The following NPHP3 variants were observed in gnomAD, a reference collection of about 807,000 sequenced individuals.
NPHP3 encodes the protein nephrocystin 3.
Under a neutral mutation model 171.9 loss-of-function variants are expected in NPHP3, and 123 were observed. The observed-to-expected ratio is 0.72, with a 90% confidence interval of 0.62 to 0.83. The LOEUF is 0.83. Among genes scored for constraint, NPHP3 ranks in the 40% least tolerant of loss-of-function variants. The pLI is 0.00. For missense variants in NPHP3, 1,506 were observed against 1,591.9 expected (o/e 0.95, Z 0.92); for synonymous variants, 558 against 579.2 (o/e 0.96, Z 0.52).
At chr3:132,707,332 C>T (rs1013406248) in intron 7 of NPHP3, among the ~76,000 whole-genome samples, 5 of 152,084 alleles carry the variant, frequency 3.3e-5, no homozygotes, top group Non-Finnish European at 5.9e-5. Context: ...GGCATGGTGG[C>T]CTGTGCCTGT....
At chr3:132,701,780 T>A (rs564796435) in intron 9 of NPHP3, among the ~76,000 whole-genome samples, 1 of 152,154 alleles carries the variant, frequency 6.6e-6, no homozygotes, top group African/African-American at 2.4e-5. Flanking sequence ...CCCAGCACTT[T>A]GGGAGGCTGA....
At chr3:132,686,008 CACTG>C in intron 23 of NPHP3, 2 of 393,678 alleles carry the variant, frequency 5.1e-6, no homozygotes, top group East Asian at 1.2e-4. Flanking sequence ...GAGATCACAC[CACTG>C]CACTCCAGCC....
intron 21 of NPHP3, among the ~76,000 whole-genome samples, chr3:132,687,552 A>C (rs1193556870): frequency 1.3e-5 from 2 of 152,198 alleles, no homozygotes; most frequent in Non-Finnish European, 2.9e-5. Flanking sequence ...AACTCATCCT[A>C]AGTCTCTGAA....
rs959757847 is a variant in NPHP3, at chr3:132,717,752, CTT to C, written c.671-845_671-844del. On this transcript the variant is annotated intron_variant, in intron 3 of 26. Transcript: ENST00000337331. ...TCAGCTACTCTTGGCCATTAAGAAT[CTT>C]TTTTTTTTTTTTTTTTTTTTTTTGA... Among the ~76,000 whole-genome samples, 62 of 81,252 alleles carry C rather than the reference CTT, an allele frequency of 7.6e-4. No individual in the cohort carries two copies. The East Asian group carries it at 0.019, about 24-fold the overall frequency. 53.3% of individuals were successfully genotyped at this position (81,252 alleles called of 152,430 possible).
rs1939606303 is a variant in NPHP3, at chr3:132,701,545, A to C, written c.1525-12T>G. ...AGGCGTTGGTAATACTAGAAAAAAA[A>C]ATGAATTTACATTGTAAGGAAGCAC... On this transcript the variant is annotated splice_polypyrimidine_tract_variant and intron_variant, in intron 9 of 26. Coordinates refer to ENST00000337331, the MANE Select transcript of NPHP3 (RefSeq NM_153240.5). 8.9e-6 allele frequency: 14 copies of C among 1,570,510 alleles called. No individual in the cohort carries two copies. The highest frequency in any genetic ancestry group is 1.2e-5 in the Non-Finnish European group (14 of 1,140,506).
intron 4 of NPHP3, among the ~76,000 whole-genome samples, chr3:132,715,826 A>G (rs1306359359): frequency 5.9e-5 from 9 of 152,244 alleles, no homozygotes. Flanking sequence ...ACTATGTTAT[A>G]TAAAAATAAG....
At chr3:132,687,011 TAAG>T (rs1415526884) in intron 22 of NPHP3, 137 bp downstream of exon 22, 1 of 577,088 alleles carries the variant, frequency 1.7e-6, no homozygotes, top group African/African-American at 1.9e-5. Context: ...AACACATAAA[TAAG>T]AAAATGTTAA....
At chr3:132,700,872 A>C (rs1576673045) in intron 10 of NPHP3, among the ~76,000 whole-genome samples, 1 of 152,194 alleles carries the variant, frequency 6.6e-6, no homozygotes, top group African/African-American at 2.4e-5. Flanking sequence ...TTATGAAAGA[A>C]AGAAAATATT....
At position 132,722,003 on chromosome 3, in the gene NPHP3, T is replaced by C. The variant is rs1441071135; in HGVS notation, c.353A>G (p.Lys118Arg). 1 of 1,613,218 alleles carries C rather than the reference T, an allele frequency of 6.2e-7. No individual in the cohort carries two copies. Among genetic ancestry groups the C allele is most frequent in the Non-Finnish European group, 8.5e-7 (1 of 1,179,896 alleles). Residue 118 changes from lysine to arginine, a missense_variant, in exon 1 of 27, where the codon AAG (lysine) becomes AGG (arginine). Physicochemically the swap from Lys to Arg is conservative, Grantham distance 26 (BLOSUM62 2). Around this residue, in one of 3 missense-constraint regions of NPHP3, gnomAD observed 930 missense variants for 924.9 expected, o/e 1.01. Transcript: ENST00000337331. ...CAGCCGCTTGTTCTCCGTGTCCAGCTTGGCCTCGCGGCGGCCCATGGACAA... is the reference window on the plus strand; with the variant it reads ...CAGCCGCTTGTTCTCCGTGTCCAGCCTGGCCTCGCGGCGGCCCATGGACAA... ...ELLSMGRREA[K>R]LDTENKRLRA... is the part of the protein sequence containing the mutation.
chr3:132,711,700 C>T (rs1221893540), intron 6 of NPHP3, among the ~76,000 whole-genome samples: 1 of 151,668 alleles, frequency 6.6e-6, no homozygotes, highest in African/African-American at 2.4e-5. Flanking sequence ...TAACATATTA[C>T]CAAGTAAGAT....
intron 6 of NPHP3, 39 bp from the exon 7 acceptor site, chr3:132,708,296 T>C: frequency 6.3e-7 from 1 of 1,592,858 alleles, no homozygotes; most frequent in Non-Finnish European, 8.6e-7. Context: ...TATACTGCAT[T>C]GTGGCAGCAA....
chr3:132,722,281 G>C lies in NPHP3; in HGVS notation c.75C>G (p.Gly25=), dbSNP rs746955224. The C allele has an allele frequency of 1.3e-6, 2 of 1,577,624 alleles. No individual in the cohort carries two copies. Among genetic ancestry groups the C allele is most frequent in the Non-Finnish European group, 1.7e-6 (2 of 1,170,984 alleles). The change falls in exon 1 of 27, where the codon GGC becomes GGG. Residue 25 remains glycine (G), a synonymous_variant. Transcript: ENST00000337331. The part of the protein sequence containing the change: ...VIEDTYGAGG[G]EACEIPVEVK... Reference sequence around the variant, plus strand: ...CCTCCACCGGGATCTCGCAGGCCTCGCCGCCGCCCGCCCCGTACGTGTCCT... The same window carrying C: ...CCTCCACCGGGATCTCGCAGGCCTCCCCGCCGCCCGCCCCGTACGTGTCCT...
chr3:132,686,848 CA>C (rs1380841631), intron 22 of NPHP3, among the ~76,000 whole-genome samples: 3 of 152,102 alleles, frequency 2.0e-5, no homozygotes, highest in African/African-American at 7.2e-5. Flanking sequence ...GAACATAACA[CA>C]AAATGTTAAC....
chr3:132,710,570 AC>A (rs1396982408), intron 6 of NPHP3, among the ~76,000 whole-genome samples: 1 of 152,174 alleles, frequency 6.6e-6, no homozygotes, highest in Non-Finnish European at 1.5e-5. Context: ...GGTCTGCCCA[AC>A]AAGGGTGCTG....
rs769880930 is a variant in NPHP3 at position 132,722,295 on chromosome 3, C to G, written c.61G>C (p.Gly21Arg). 6.3e-7 allele frequency: 1 copy of G among 1,580,308 alleles called. No individual in the cohort carries two copies. Among genetic ancestry groups the G allele is most frequent in the Non-Finnish European group, 8.5e-7 (1 of 1,172,268 alleles). The part of the protein sequence containing the change: ...AGGEVIEDTY[G>R]AGGGEACEIP... ...TCGCAGGCCTCGCCGCCGCCCGCCC[C>G]GTACGTGTCCTCGATCACTTCCCCG... Residue 21 changes from glycine to arginine, a missense_variant, in exon 1 of 27, where the codon GGG (glycine) becomes CGG (arginine). Around this residue, in one of 3 missense-constraint regions of NPHP3, gnomAD observed 930 missense variants for 924.9 expected, o/e 1.01. Transcript: ENST00000337331.
Position 132,680,929 on chromosome 3 carries a change from T to C in NPHP3, c.*981A>G, listed in dbSNP as rs1163757639. On this transcript the variant is annotated 3_prime_UTR_variant, in exon 27 of 27. Coordinates refer to ENST00000337331, the MANE Select transcript of NPHP3 (RefSeq NM_153240.5). ...AAAAGTCAAAGAATGCTAAAGAGCTTGACCTGTTACTGCATTAATGACTTC... is the reference window on the plus strand; with the variant it reads ...AAAAGTCAAAGAATGCTAAAGAGCTCGACCTGTTACTGCATTAATGACTTC... 1.3e-5 allele frequency: 2 copies of C among 152,194 alleles called. No homozygotes were observed. Among genetic ancestry groups the C allele is most frequent in the Admixed American group, 1.3e-4 (2 of 15,276 alleles). The allele number at this position is 152,194 out of a possible 1,614,324, so 9.4% of individuals were successfully genotyped here. A position where few individuals can be genotyped will look rare whatever the true frequency, so the allele number is the denominator to read the frequency against.
At chr3:132,705,328 C>T (rs10935029) in intron 8 of NPHP3, among the ~76,000 whole-genome samples, 6 of 151,986 alleles carry the variant, frequency 3.9e-5, no homozygotes, top group South Asian at 4.1e-4. Flanking sequence ...TTCTCACCCC[C>T]CTGGAGGCAT....
chr3:132,687,341 T>C, intron 21 of NPHP3, 115 bp from the exon 22 acceptor site: 1 of 596,782 alleles, frequency 1.7e-6, no homozygotes, highest in African/African-American at 1.9e-5. Context: ...AAATACAGCA[T>C]TTTTTCTAGA....
chr3:132,692,119 C>T (rs752998694), intron 17 of NPHP3, among the ~76,000 whole-genome samples: 5 of 152,178 alleles, frequency 3.3e-5, no homozygotes, highest in Admixed American at 2.0e-4. Flanking sequence ...CAGTTACACA[C>T]AGTATTCAGT....
Sources: allele counts gnomAD v4.1 joint callset (sites outside exome capture counted in the v4.1 genomes callset), GRCh38; gene constraint gnomAD v4.1.1; regional missense constraint gnomAD v4.1.1; transcripts MANE v1.5; gene names NCBI Gene and HGNC (gene_info 2026-07-23, HGNC 2026-07-21).